The following H4C8 variants were observed in gnomAD, a reference collection of about 807,000 sequenced individuals.
The protein encoded by H4C8 is H4 clustered histone 8.
H4C8 carries 8 observed loss-of-function variants against 6.0 expected under a neutral mutation model. That is an observed-to-expected ratio of 1.33 (90% CI 0.78 to 2.40). The LOEUF is 2.40. Ranked by LOEUF, H4C8 falls within the 30% of genes most tolerant of loss-of-function variation. H4C8 has a pLI of 0.00. For synonymous variants in H4C8, 118 were observed against 51.9 expected (o/e 2.27, Z -5.47); for missense variants, 211 against 143.4 (o/e 1.47, Z -2.41).
In H4C8 at chr6:26,285,464, A is replaced by G; in HGVS notation, c.36T>C (p.Gly12=). The G allele has an allele frequency of 2.5e-6, 4 of 1,610,002 alleles. No homozygotes were observed. Among genetic ancestry groups the G allele is most frequent in the East Asian group, 2.2e-5 (1 of 44,748 alleles). ...SGRGKGGKGL[G]KGGAKRHRKV... Reference sequence around the variant, plus strand: ...TGCGATGACGCTTAGCTCCTCCCTTACCCAAACCTTTTCCACCTTTACCAC... The same window carrying G: ...TGCGATGACGCTTAGCTCCTCCCTTGCCCAAACCTTTTCCACCTTTACCAC... The change falls in exon 1 of 1, where the codon GGT becomes GGC. Residue 12 remains glycine, a synonymous_variant. Coordinates refer to ENST00000377727, the MANE Select transcript of H4C8 (RefSeq NM_003543.4).
Position 26,285,161 on chromosome 6 carries a change from A to C in H4C8, c.*27T>G. 6.5e-7 allele frequency: 1 copy of C among 1,541,410 alleles called. No homozygotes were observed. Among genetic ancestry groups the C allele is most frequent in the African/African-American group, 1.4e-5 (1 of 72,592 alleles). On this transcript the variant is annotated 3_prime_UTR_variant, in exon 1 of 1. Transcript: ENST00000377727. Reference sequence around the variant, plus strand: ...TGAAAAGGGCCTTTGGTTGAAAATGAAAATAAGAGTGCAGCAAGCAGGAGC... The same window carrying C: ...TGAAAAGGGCCTTTGGTTGAAAATGCAAATAAGAGTGCAGCAAGCAGGAGC...
Position 26,285,208 on chromosome 6 carries a change from G to C in H4C8, c.292C>G (p.Leu98Val), listed in dbSNP as rs765897084. Reference protein sequence around the residue: ...VYALKRQGRTLYGFGG With the variant: ...VYALKRQGRTVYGFGG ...GAGCCTTAGCCACCGAAGCCGTAAA[G>C]AGTGCGTCCCTGTCGCTTCAGCGCG... The change falls in exon 1 of 1, where the codon CTT becomes GTT. Residue 98 changes from leucine to valine, a missense_variant. Coordinates refer to ENST00000377727, the MANE Select transcript of H4C8 (RefSeq NM_003543.4). 10 of 1,601,912 alleles carry C rather than the reference G, an allele frequency of 6.2e-6. No individual in the cohort carries two copies.
Position 26,285,395 on chromosome 6 carries a change from G to C in H4C8, c.105C>G (p.Ile35Met). The part of the protein sequence containing the change: ...DNIQGITKPA[I>M]RRLARRGGVK... ...CACCGCCGCGACGAGCAAGGCGCCG[G>C]ATAGCTGGCTTAGTGATGCCCTGGA... The change falls in exon 1 of 1, where the codon ATC (isoleucine) becomes ATG (methionine). Residue 35 changes from isoleucine (I) to methionine (M), a missense_variant. Coordinates refer to ENST00000377727, the MANE Select transcript of H4C8 (RefSeq NM_003543.4). 6.2e-7 allele frequency: 1 copy of C among 1,614,250 alleles called. No homozygotes were observed.
chr6:26,285,192 C>G lies in H4C8; in HGVS notation c.308G>C (p.Gly103Ala), dbSNP rs377418572. 7 of 1,588,194 alleles carry G rather than the reference C, an allele frequency of 4.4e-6. No homozygotes were observed. In the African/African-American group the frequency reaches 8.1e-5, roughly 18 times the overall value. Residue 103 changes from glycine to alanine, a missense_variant, in exon 1 of 1, where the codon GGC (glycine) becomes GCC (alanine). Transcript: ENST00000377727. ...AGAGTGCAGCAAGCAGGAGCCTTAG[C>G]CACCGAAGCCGTAAAGAGTGCGTCC... ...RQGRTLYGFG[G>A]
chr6:26,285,491 G>A lies in H4C8; in HGVS notation c.9C>T (p.Gly3=), dbSNP rs370943039. ...CCAAACCTTTTCCACCTTTACCACG[G>A]CCAGACATGACTAAGCAACTTCTAA... MS[G]RGKGGKGLGK... is the part of the protein sequence containing the mutation. Residue 3 remains glycine, a synonymous_variant, in exon 1 of 1, where the codon GGC becomes GGT. Transcript: ENST00000377727. 1.6e-5 allele frequency: 25 copies of A among 1,601,956 alleles called. No individual in the cohort carries two copies. Among genetic ancestry groups the A allele is most frequent in the East Asian group, 1.1e-4 (5 of 44,598 alleles).
At position 26,285,479 on chromosome 6, in the gene H4C8, A is replaced by G. The variant is rs1477387429; in HGVS notation, c.21T>C (p.Gly7=). MSGRGK[G]GKGLGKGGAK... ...CTCCTCCCTTACCCAAACCTTTTCC[A>G]CCTTTACCACGGCCAGACATGACTA... Residue 7 remains glycine, a synonymous_variant, in exon 1 of 1, where the codon GGT becomes GGC. Coordinates refer to ENST00000377727, the MANE Select transcript of H4C8 (RefSeq NM_003543.4). The G allele has an allele frequency of 1.9e-6, 3 of 1,605,160 alleles. No individual in the cohort carries two copies. Among genetic ancestry groups the G allele is most frequent in the East Asian group, 2.2e-5 (1 of 44,622 alleles).
Position 26,285,452 on chromosome 6 carries a change from A to G in H4C8, c.48T>C (p.Ala16=). ...CGCGCAAAACCTTGCGATGACGCTT[A>G]GCTCCTCCCTTACCCAAACCTTTTC... ...KGGKGLGKGG[A]KRHRKVLRDN... The change falls in exon 1 of 1, where the codon GCT becomes GCC. Residue 16 remains alanine, a synonymous_variant. Transcript: ENST00000377727. The G allele has an allele frequency of 1.2e-6, 2 of 1,613,730 alleles. No homozygotes were observed. Among genetic ancestry groups the G allele is most frequent in the Non-Finnish European group, 1.7e-6 (2 of 1,179,586 alleles).
rs199971745 is a variant in H4C8, at chr6:26,285,413, G to A, written c.87C>T (p.Gly29=). 9.9e-6 allele frequency: 16 copies of A among 1,614,250 alleles called. No individual in the cohort carries two copies. Among genetic ancestry groups the A allele is most frequent in the South Asian group, 8.8e-5 (8 of 91,088 alleles). The change falls in exon 1 of 1, where the codon GGC becomes GGT. Residue 29 remains glycine, a synonymous_variant. Coordinates refer to ENST00000377727, the MANE Select transcript of H4C8 (RefSeq NM_003543.4). ...GGCGCCGGATAGCTGGCTTAGTGAT[G>A]CCCTGGATGTTATCGCGCAAAACCT... ...HRKVLRDNIQ[G]ITKPAIRRLA...
chr6:26,285,292 C>A lies in H4C8; in HGVS notation c.208G>T (p.Ala70Ser). 3 of 1,614,234 alleles carry A rather than the reference C, an allele frequency of 1.9e-6. No individual in the cohort carries two copies. The highest frequency in any genetic ancestry group is 2.5e-6 in the Non-Finnish European group (3 of 1,180,044). ...TTGGCGTGCTCTGTGTAAGTGACAG[C>A]GTCACGAATCACGTTCTCCAGGAAC... The part of the protein sequence containing the change: ...KVFLENVIRD[A>S]VTYTEHAKRK... The change falls in exon 1 of 1, where the codon GCT (alanine) becomes TCT (serine). Residue 70 changes from alanine to serine, a missense_variant. Coordinates refer to ENST00000377727, the MANE Select transcript of H4C8 (RefSeq NM_003543.4).
At position 26,285,348 on chromosome 6, in the gene H4C8, A is replaced by T; in HGVS notation, c.152T>A (p.Ile51Asn). ...RGGVKRISGL[I>N]YEETRGVLKV... ...CAGAACACCACGAGTCTCCTCATAG[A>T]TAAGGCCAGAAATTCGCTTGACACC... is the stretch of plus-strand genomic sequence containing the variant. Residue 51 changes from isoleucine (I) to asparagine (N), a missense_variant, in exon 1 of 1, where the codon ATC becomes AAC. Ile to Asn is a moderately radical substitution (Grantham distance 149). Transcript: ENST00000377727. 6.2e-7 allele frequency: 1 copy of T among 1,614,250 alleles called. No homozygotes were observed. The highest frequency in any genetic ancestry group is 8.5e-7 in the Non-Finnish European group (1 of 1,180,048).
chr6:26,285,161 AAAAT>A lies in H4C8; in HGVS notation c.*23_*26del. 6.5e-7 allele frequency: 1 copy of A among 1,541,410 alleles called. No homozygotes were observed. Among genetic ancestry groups the A allele is most frequent in the Admixed American group, 2.0e-5 (1 of 48,912 alleles). Reference sequence around the variant, plus strand: ...TGAAAAGGGCCTTTGGTTGAAAATGAAAATAAGAGTGCAGCAAGCAGGAGCCTTA... The same window carrying A: ...TGAAAAGGGCCTTTGGTTGAAAATGAAAGAGTGCAGCAAGCAGGAGCCTTA... On this transcript the variant is annotated 3_prime_UTR_variant, in exon 1 of 1. Coordinates refer to ENST00000377727, the MANE Select transcript of H4C8 (RefSeq NM_003543.4).
In H4C8 at chr6:26,285,401, T is replaced by A. The variant is rs371467553; in HGVS notation, c.99A>T (p.Pro33=). Residue 33 remains proline, a synonymous_variant, in exon 1 of 1, where the codon CCA becomes CCT. Coordinates refer to ENST00000377727, the MANE Select transcript of H4C8 (RefSeq NM_003543.4). ...LRDNIQGITK[P]AIRRLARRGG... ...CGCGACGAGCAAGGCGCCGGATAGC[T>A]GGCTTAGTGATGCCCTGGATGTTAT... 2 of 1,614,148 alleles carry A rather than the reference T, an allele frequency of 1.2e-6. No homozygotes were observed. The highest frequency in any genetic ancestry group is 2.7e-5 in the African/African-American group (2 of 74,950).
rs941941050 is a variant in H4C8 at position 26,285,453 on chromosome 6, G to A, written c.47C>T (p.Ala16Val). 2 of 1,613,708 alleles carry A rather than the reference G, an allele frequency of 1.2e-6. No homozygotes were observed. The highest frequency in any genetic ancestry group is 1.7e-6 in the Non-Finnish European group (2 of 1,179,566). Residue 16 changes from alanine to valine, a missense_variant, in exon 1 of 1, where the codon GCT becomes GTT. By Grantham distance (64) the Ala-to-Val change is moderately conservative. Transcript: ENST00000377727. ...GCGCAAAACCTTGCGATGACGCTTA[G>A]CTCCTCCCTTACCCAAACCTTTTCC... The part of the protein sequence containing the change: ...KGGKGLGKGG[A>V]KRHRKVLRDN...
Position 26,285,508 on chromosome 6 carries a change from A to C in H4C8, c.-9T>G. 2 of 1,582,666 alleles carry C rather than the reference A, an allele frequency of 1.3e-6. No homozygotes were observed. Among genetic ancestry groups the C allele is most frequent in the South Asian group, 1.1e-5 (1 of 89,062 alleles). On this transcript the variant is annotated 5_prime_UTR_variant, in exon 1 of 1. Coordinates refer to ENST00000377727, the MANE Select transcript of H4C8 (RefSeq NM_003543.4). Reference sequence around the variant, plus strand: ...TTACCACGGCCAGACATGACTAAGCAACTTCTAAAACCAACTTAAGAAACC... The same window carrying C: ...TTACCACGGCCAGACATGACTAAGCCACTTCTAAAACCAACTTAAGAAACC...
chr6:26,285,409 T>G lies in H4C8; in HGVS notation c.91A>C (p.Thr31Pro). 1 of 1,614,272 alleles carries G rather than the reference T, an allele frequency of 6.2e-7. No individual in the cohort carries two copies. The highest frequency in any genetic ancestry group is 8.5e-7 in the Non-Finnish European group (1 of 1,180,050). ...KVLRDNIQGI[T>P]KPAIRRLARR... ...GCAAGGCGCCGGATAGCTGGCTTAG[T>G]GATGCCCTGGATGTTATCGCGCAAA... The change falls in exon 1 of 1, where the codon ACT becomes CCT. Residue 31 changes from threonine (T) to proline (P), a missense_variant. Thr to Pro is a conservative substitution (Grantham distance 38). Coordinates refer to ENST00000377727, the MANE Select transcript of H4C8 (RefSeq NM_003543.4).
In H4C8 at chr6:26,285,174, A is replaced by C; in HGVS notation, c.*14T>G. ...TGGTTGAAAATGAAAATAAGAGTGC[A>C]GCAAGCAGGAGCCTTAGCCACCGAA... On this transcript the variant is annotated 3_prime_UTR_variant, in exon 1 of 1. Transcript: ENST00000377727. 6.4e-7 allele frequency: 1 copy of C among 1,567,642 alleles called. No individual in the cohort carries two copies.
In H4C8 at chr6:26,285,330, C is replaced by A; in HGVS notation, c.170G>T (p.Gly57Val). 1 of 1,614,188 alleles carries A rather than the reference C, an allele frequency of 6.2e-7. No individual in the cohort carries two copies. Among genetic ancestry groups the A allele is most frequent in the Non-Finnish European group, 8.5e-7 (1 of 1,180,012 alleles). The change falls in exon 1 of 1, where the codon GGT (glycine) becomes GTT (valine). Residue 57 changes from glycine (G) to valine (V), a missense_variant. Coordinates refer to ENST00000377727, the MANE Select transcript of H4C8 (RefSeq NM_003543.4). ...ISGLIYEETR[G>V]VLKVFLENVI... ...GTTCTCCAGGAACACCTTCAGAACA[C>A]CACGAGTCTCCTCATAGATAAGGCC...
rs1561771560 is a variant in H4C8, at chr6:26,285,514, T to TA, written c.-16dup. On this transcript the variant is annotated 5_prime_UTR_variant, in exon 1 of 1. Coordinates refer to ENST00000377727, the MANE Select transcript of H4C8 (RefSeq NM_003543.4). The stretch of plus-strand genomic sequence containing the variant: ...CGGCCAGACATGACTAAGCAACTTC[T>TA]AAAACCAACTTAAGAAACCTAAACG... 1 of 1,578,388 alleles carries TA rather than the reference T, an allele frequency of 6.3e-7. No individual in the cohort carries two copies. The highest frequency in any genetic ancestry group is 1.1e-5 in the South Asian group (1 of 88,400).
Position 26,285,362 on chromosome 6 carries a change from T to A in H4C8, c.138A>T (p.Arg46=), listed in dbSNP as rs753793760. The change falls in exon 1 of 1, where the codon CGA becomes CGT. Residue 46 remains arginine (R), a synonymous_variant. Transcript: ENST00000377727. ...TCTCCTCATAGATAAGGCCAGAAAT[T>A]CGCTTGACACCGCCGCGACGAGCAA... ...RRLARRGGVK[R]ISGLIYEETR... The A allele has an allele frequency of 2.4e-5, 39 of 1,614,070 alleles. No homozygotes were observed. The Middle Eastern group carries it at 8.2e-4, about 34-fold the overall frequency.
Sources: allele counts gnomAD v4.1 joint callset, GRCh38; gene constraint gnomAD v4.1.1; transcripts MANE v1.5; gene names NCBI Gene and HGNC (gene_info 2026-07-23, HGNC 2026-07-21).